MCM6: variants seen among roughly 807,000 people sequenced by gnomAD.
The protein encoded by MCM6 is minichromosome maintenance complex component 6.
MCM6 carries 46 observed loss-of-function variants against 94.3 expected under a neutral mutation model. That is an observed-to-expected ratio of 0.49 (90% CI 0.39 to 0.62). The LOEUF (loss-of-function observed/expected upper bound fraction) is 0.62, where lower values mean the gene tolerates loss of function less well. Ranked by LOEUF, MCM6 falls within the 20% of genes least tolerant of loss-of-function variation. The pLI, the probability that MCM6 is intolerant of heterozygous loss-of-function variation, is 0.00. For synonymous variants in MCM6, 335 were observed against 351.9 expected (o/e 0.95, Z 0.54); for missense variants, 865 against 1,017.9 (o/e 0.85, Z 2.04).
chr2:135,876,323 G>T lies in MCM6; in HGVS notation c.43C>A (p.His15Asn), dbSNP rs767901663. The T allele has an allele frequency of 6.2e-7, 1 of 1,610,234 alleles. No homozygotes were observed. The highest frequency in any genetic ancestry group is 1.1e-5 in the South Asian group (1 of 90,960). ...GCCACCTCGTCGCGGACCTCCAGGT[G>T]CTGGCTGCCGGCGCCCGGCTCCGCT... is the stretch of plus-strand genomic sequence containing the variant. The part of the protein sequence containing the change: ...AAAEPGAGSQ[H>N]LEVRDEVAEK... Residue 15 changes from histidine to asparagine, a missense_variant, in exon 1 of 17, where the codon CAC becomes AAC. Coordinates refer to ENST00000264156, the MANE Select transcript of MCM6 (RefSeq NM_005915.6).
chr2:135,856,988 A>G, intron 10 of MCM6, 105 bp from the exon 11 acceptor site: 1 of 959,278 alleles, frequency 1.0e-6, no homozygotes, highest in Non-Finnish European at 1.5e-6. Flanking sequence ...ACAAACCAAA[A>G]TAATGACATA....
chr2:135,873,148 AGAG>A (rs1680234890), intron 1 of MCM6, among the ~76,000 whole-genome samples: 1 of 152,182 alleles, frequency 6.6e-6, no homozygotes, highest in Non-Finnish European at 1.5e-5. Context: ...GGTTTTAAAA[AGAG>A]GAGTTCCTCT....
At chr2:135,860,460 T>C (rs1204227097) in intron 8 of MCM6, among the ~76,000 whole-genome samples, 1 of 152,156 alleles carries the variant, frequency 6.6e-6, no homozygotes, top group Non-Finnish European at 1.5e-5. Flanking sequence ...AAGAAGTCTT[T>C]AATAGTAATA....
At chr2:135,844,770 A>G (rs574135358) in intron 15 of MCM6, 86 bp from the exon 16 acceptor site, 2 of 1,349,916 alleles carry the variant, frequency 1.5e-6, no homozygotes, top group African/African-American at 1.5e-5. Context: ...ACAACGAGAT[A>G]ATGTACAGAT....
chr2:135,876,268 A>G lies in MCM6; in HGVS notation c.98T>C (p.Phe33Ser). ...GCGCTCGCCGACTTACTCCTCCAAG[A>G]AGTCCAGGAACAGTTTCTGGCACTT... ...AEKCQKLFLD[F>S]LEEFQSSDGE... The change falls in exon 1 of 17, where the codon TTC becomes TCC. Residue 33 changes from phenylalanine (F) to serine (S), a missense_variant. Transcript: ENST00000264156. 6.2e-7 allele frequency: 1 copy of G among 1,604,950 alleles called. No individual in the cohort carries two copies. Among genetic ancestry groups the G allele is most frequent in the Admixed American group, 1.7e-5 (1 of 58,996 alleles).
intron 13 of MCM6, among the ~76,000 whole-genome samples, chr2:135,849,781 T>G (rs1214773859): frequency 6.6e-6 from 1 of 152,196 alleles, no homozygotes; most frequent in Non-Finnish European, 1.5e-5. Flanking sequence ...AATAAATGGT[T>G]TTGGAACAAC....
intron 7 of MCM6, 58 bp from the exon 8 acceptor site, chr2:135,862,806 T>C: frequency 1.3e-6 from 2 of 1,581,634 alleles, no homozygotes; most frequent in Non-Finnish European, 1.7e-6. Flanking sequence ...AGTTAAACAC[T>C]TTCAGAAGAA....
chr2:135,862,770 G>C, intron 7 of MCM6, 22 bp from the exon 8 acceptor site: 3 of 1,609,230 alleles, frequency 1.9e-6, no homozygotes, highest in Non-Finnish European at 2.5e-6. Flanking sequence ...AGAAGCTACA[G>C]ATGAAAAACT....
intron 11 of MCM6, among the ~76,000 whole-genome samples, chr2:135,854,282 C>T (rs1170061078): frequency 1.3e-5 from 2 of 151,904 alleles, no homozygotes; most frequent in African/African-American, 4.8e-5. Flanking sequence ...CCTGTAACCT[C>T]AGCACGTTGG....
chr2:135,850,098 C>T (rs1232152851), intron 13 of MCM6, among the ~76,000 whole-genome samples: 2 of 151,752 alleles, frequency 1.3e-5, no homozygotes, highest in African/African-American at 4.8e-5. Flanking sequence ...GGAACTATCA[C>T]AATGAAAAAA....
At chr2:135,843,471 G>A (rs958039315) in intron 16 of MCM6, among the ~76,000 whole-genome samples, 8 of 152,040 alleles carry the variant, frequency 5.3e-5, no homozygotes, top group Admixed American at 1.3e-4. Context: ...GGTGGCTCAC[G>A]CCTGTAATCC....
At chr2:135,872,600 A>G (rs3739019) in intron 2 of MCM6, 97 bp downstream of exon 2, 78 of 1,271,356 alleles carry the variant, frequency 6.1e-5, no homozygotes, top group Non-Finnish European at 8.1e-5. Context: ...GTGAAAGCTG[A>G]CCTTCTGCTA....
At chr2:135,863,976 TG>T (rs1680041676) in intron 7 of MCM6, among the ~76,000 whole-genome samples, 5 of 152,062 alleles carry the variant, frequency 3.3e-5, no homozygotes, top group Admixed American at 2.6e-4. Flanking sequence ...CTGAGTGTTG[TG>T]GGGCAATCCT....
rs891300519 is a variant in MCM6 at position 135,876,332 on chromosome 2, C to G, written c.34G>C (p.Gly12Arg). Residue 12 changes from glycine to arginine, a missense_variant, in exon 1 of 17, where the codon GGC becomes CGC. Physicochemically the swap from Gly to Arg is moderately radical, Grantham distance 125 (BLOSUM62 -2). Transcript: ENST00000264156. ...DLAAAAEPGA[G>R]SQHLEVRDEV... ...TCGCGGACCTCCAGGTGCTGGCTGC[C>G]GGCGCCCGGCTCCGCTGCCGCCGCG... 6.2e-7 allele frequency: 1 copy of G among 1,609,800 alleles called. No individual in the cohort carries two copies. Among genetic ancestry groups the G allele is most frequent in the African/African-American group, 1.3e-5 (1 of 74,950 alleles).
chr2:135,843,884 C>A (rs1679625627), intron 16 of MCM6, among the ~76,000 whole-genome samples: 1 of 151,930 alleles, frequency 6.6e-6, no homozygotes, highest in East Asian at 1.9e-4. Flanking sequence ...TGTGGACAGG[C>A]TGAGTACTGA....
rs1161452937 is a variant in MCM6 at position 135,843,746 on chromosome 2, AAAC to A, written c.2349+796_2349+798del. 5.0e-3 allele frequency among the ~76,000 whole-genome samples: 727 copies of A among 146,854 alleles called. 7 individuals are homozygous for A. The highest frequency in any genetic ancestry group is 0.019 in the African/African-American group (679 of 36,674). ...ACTCTGTCTCAAAAAAAAAAAAAAA[AAAC>A]AAAACCATTCAGGGAAAGAGACTAA... On this transcript the variant is annotated intron_variant, in intron 16 of 16. Transcript: ENST00000264156.
At chr2:135,867,884 G>A (rs1448221461) in intron 4 of MCM6, among the ~76,000 whole-genome samples, 1 of 151,996 alleles carries the variant, frequency 6.6e-6, no homozygotes, top group Admixed American at 6.6e-5. Context: ...AAAATTAGCC[G>A]GGTGTGGTGG....
chr2:135,859,140 CA>C (rs1679942250), intron 9 of MCM6, among the ~76,000 whole-genome samples, 160 bp downstream of exon 9: 2 of 152,140 alleles, frequency 1.3e-5, no homozygotes, highest in African/African-American at 4.8e-5. Context: ...GTGATCCACC[CA>C]CCTCGGCTTC....
chr2:135,848,261 A>C, intron 13 of MCM6, 73 bp from the exon 14 acceptor site: 1 of 1,138,624 alleles, frequency 8.8e-7, no homozygotes, highest in Non-Finnish European at 1.3e-6. Flanking sequence ...CAATGAAATC[A>C]CAGTAGTATG....
Sources: allele counts gnomAD v4.1 joint callset (sites outside exome capture counted in the v4.1 genomes callset), GRCh38; gene constraint gnomAD v4.1.1; transcripts MANE v1.5; gene names NCBI Gene and HGNC (gene_info 2026-07-23, HGNC 2026-07-21).